Variants in OGFOD2 observed in about 807,000 individuals in gnomAD.
OGFOD2 encodes the protein 2-oxoglutarate and iron-dependent oxygenase domain-containing protein 2.
In OGFOD2, 34 loss-of-function variants were observed where a neutral mutation model predicts 31.1. The observed-to-expected ratio is 1.09, with a 90% CI of 0.83 to 1.45. OGFOD2 has a LOEUF of 1.45. OGFOD2 is among the 40% of genes most tolerant of loss of function. The pLI is 0.00. For synonymous variants in OGFOD2, 240 were observed against 192.3 expected, an observed-to-expected ratio of 1.25 and a Z score of -2.05; for missense variants, 537 against 433.9, an observed-to-expected ratio of 1.24 and a Z score of -2.11.
Position 122,978,743 on chromosome 12 carries a change from C to T in OGFOD2, c.532-10C>T. 6.2e-7 allele frequency: 1 copy of T among 1,603,638 alleles called. No homozygotes were observed. Among genetic ancestry groups the T allele is most frequent in the South Asian group, 1.1e-5 (1 of 90,622 alleles). On this transcript the variant is annotated splice_polypyrimidine_tract_variant and intron_variant, in intron 5 of 6. Transcript: ENST00000228922. Reference sequence around the variant, plus strand: ...TAGTTTCCTTGCTGACCCCAGGAATCCCCTCCCAGGTGCTGCTGCACGAGC... The same window carrying T: ...TAGTTTCCTTGCTGACCCCAGGAATTCCCTCCCAGGTGCTGCTGCACGAGC...
intron 1 of OGFOD2, 99 bp from the exon 2 acceptor site, chr12:122,975,712 G>A: frequency 1.5e-6 from 1 of 671,916 alleles, no homozygotes; most frequent in Non-Finnish European, 2.8e-6. Context: ...TTGAGGTCGG[G>A]GCTCCTCTCC....
intron 1 of OGFOD2, 96 bp downstream of exon 1, chr12:122,975,479 C>T: frequency 1.7e-6 from 1 of 597,832 alleles, no homozygotes; most frequent in Non-Finnish European, 3.0e-6. Flanking sequence ...GCGCACGCCG[C>T]GCACCGTATC....
At position 122,979,289 on chromosome 12, in the gene OGFOD2, C is replaced by T. The variant is rs202168409; in HGVS notation, c.996C>T (p.Phe332=). 8 of 1,612,790 alleles carry T rather than the reference C, an allele frequency of 5.0e-6. No individual in the cohort carries two copies. In the East Asian group the frequency reaches 6.7e-5, roughly 13 times the overall value. The change falls in exon 7 of 7, where the codon TTC becomes TTT. Residue 332 remains phenylalanine (F), a synonymous_variant. Coordinates refer to ENST00000228922, the Ensembl canonical transcript of OGFOD2. ...CCGACCTGGTGGACGATGAGGGCTT[C>T]GGTGATGGCTTCACCCGAGAGGAGC... is the stretch of plus-strand genomic sequence containing the variant.
At chr12:122,977,338 C>T in intron 4 of OGFOD2, 1 of 329,852 alleles carries the variant, frequency 3.0e-6, no homozygotes, top group Non-Finnish European at 5.9e-6. Context: ...AATGGCAAAG[C>T]CCGGCCCCCC....
rs12302334 is a variant in OGFOD2, at chr12:122,976,533, A to G, written c.190-121A>G. On this transcript the variant is annotated intron_variant, in intron 2 of 6. Coordinates refer to ENST00000228922, the Ensembl canonical transcript of OGFOD2. ...TTGACCCAGATAGATTCAGGAGTGTAGGCTAGACTTGGCTTCCAGCCTGGG... is the reference window on the plus strand; with the variant it reads ...TTGACCCAGATAGATTCAGGAGTGTGGGCTAGACTTGGCTTCCAGCCTGGG... 2.4e-3 allele frequency: 3,158 copies of G among 1,306,580 alleles called. 71 individuals are homozygous for G. In the Admixed American group the frequency reaches 0.045, roughly 19 times the overall value. 80.9% of individuals were successfully genotyped at this position (1,306,580 alleles called of 1,614,324 possible). A position where few individuals can be genotyped will look rare whatever the true frequency, so the allele number is the denominator to read the frequency against.
chr12:122,975,507 C>T (rs1158089776), intron 1 of OGFOD2, 124 bp downstream of exon 1: 19 of 592,022 alleles, frequency 3.2e-5, no homozygotes, highest in Non-Finnish European at 5.8e-5. Context: ...ACAAGAATGA[C>T]GGCCTCTCTC....
chr12:122,978,247 A>T, intron 4 of OGFOD2, 195 bp from the exon 5 acceptor site: 1 of 615,058 alleles, frequency 1.6e-6, no homozygotes, highest in Non-Finnish European at 2.8e-6. Context: ...GTCTGGGGAA[A>T]GGTTCCGGGC....
At chr12:122,975,510 CCT>C in intron 1 of OGFOD2, 127 bp downstream of exon 1, 1 of 592,790 alleles carries the variant, frequency 1.7e-6, no homozygotes, top group Non-Finnish European at 3.0e-6. Context: ...AGAATGACGG[CCT>C]CTCTCTGCCT....
At chr12:122,978,753 G>C (rs896104333) in exon 6 of OGFOD2, 15 of 1,607,326 alleles carry the variant, frequency 9.3e-6, no homozygotes, top group Non-Finnish European at 1.2e-5. Context: ...CCCCTCCCAG[G>C]TGCTGCTGCA....
chr12:122,975,665 T>C (rs2037398056), intron 1 of OGFOD2, 146 bp from the exon 2 acceptor site: 1 of 635,732 alleles, frequency 1.6e-6, no homozygotes, highest in South Asian at 1.7e-5. Context: ...TGTCCTGAGC[T>C]TGACAGGGTT....
At chr12:122,978,964 G>T in exon 6 of OGFOD2, 1 of 1,613,274 alleles carries the variant, frequency 6.2e-7, no homozygotes. Flanking sequence ...GTGGCCTTGG[G>T]CAAGGTCTTC....
chr12:122,976,660 C>G (rs1468844292), exon 3 of OGFOD2: 1 of 1,592,766 alleles, frequency 6.3e-7, no homozygotes, highest in Non-Finnish European at 8.6e-7. Context: ...CCAGCTTGAG[C>G]AGGAGGTGGA....
chr12:122,976,428 T>C, intron 2 of OGFOD2: 1 of 1,612,526 alleles, frequency 6.2e-7, no homozygotes, highest in South Asian at 1.1e-5. Flanking sequence ...TCATCCCAGC[T>C]AGGCTCAGGT....
At position 122,979,121 on chromosome 12, in the gene OGFOD2, C is replaced by T. The variant is rs368737766; in HGVS notation, c.828C>T (p.His276=). ...TGACGGAGCCCCTGGAGGTGGAGCACGTGGTGGGCCAGGGTGTCCTCCACC... is the reference window on the plus strand; with the variant it reads ...TGACGGAGCCCCTGGAGGTGGAGCATGTGGTGGGCCAGGGTGTCCTCCACC... The change falls in exon 7 of 7, where the codon CAC becomes CAT. Residue 276 remains histidine, a synonymous_variant. Coordinates refer to ENST00000228922, the Ensembl canonical transcript of OGFOD2. The T allele has an allele frequency of 7.4e-4, 1,187 of 1,602,600 alleles. 1 individual carries two copies. The highest frequency in any genetic ancestry group is 9.0e-4 in the Non-Finnish European group (1,058 of 1,172,910).
At chr12:122,976,841 T>C (rs2037448735) in intron 3 of OGFOD2, 30 bp from the exon 4 acceptor site, 1 of 1,595,198 alleles carries the variant, frequency 6.3e-7, no homozygotes, top group Non-Finnish European at 8.6e-7. Flanking sequence ...GGGTGCTGCC[T>C]GCCCCACAGC....
chr12:122,975,290 C>T (rs2135950273), exon 1 of OGFOD2: 1 of 695,086 alleles, frequency 1.4e-6, no homozygotes, highest in Non-Finnish European at 2.6e-6. Flanking sequence ...TCTGCCGCTG[C>T]GCCTGCTTCT....
At chr12:122,978,987 C>T (rs757732296) in exon 6 of OGFOD2, 2 of 1,612,962 alleles carry the variant, frequency 1.2e-6, no homozygotes, top group Admixed American at 1.7e-5. Context: ...AGGGGGCGCC[C>T]TGTATTTTGG....
rs371957415 is a variant in OGFOD2 at position 122,978,493 on chromosome 12, C to T, written c.455C>T (p.Ala152Val). ...GTTTTCACAGCGCCCTTCTGCCAGG[C>T]CCTGCTGGAAGAGCTGGAGCACTTC... is the stretch of plus-strand genomic sequence containing the variant. Residue 152 changes from alanine (A) to valine (V), a missense_variant, in exon 5 of 7, where the codon GCC (alanine) becomes GTC (valine). Coordinates refer to ENST00000228922, the Ensembl canonical transcript of OGFOD2. The T allele has an allele frequency of 1.9e-5, 31 of 1,613,592 alleles. No homozygotes were observed. In the African/African-American group the frequency reaches 3.3e-4, roughly 17 times the overall value.
intron 6 of OGFOD2, 25 bp downstream of exon 6, chr12:122,979,035 G>T (rs1215660203): frequency 6.2e-7 from 1 of 1,606,876 alleles, no homozygotes; most frequent in Admixed American, 1.7e-5. Context: ...CATGCGGCAG[G>T]GCCTGGGGCA....
Sources: allele counts gnomAD v4.1 joint callset, GRCh38; gene constraint gnomAD v4.1.1; transcripts MANE v1.5; gene names NCBI Gene and HGNC (gene_info 2026-07-23, HGNC 2026-07-21).